MCM9: variants seen among roughly 807,000 people sequenced by gnomAD.
The protein encoded by MCM9 is minichromosome maintenance 9 homologous recombination repair factor.
MCM9 carries 55 observed loss-of-function variants against 72.8 expected under a neutral mutation model. The observed-to-expected ratio is 0.76, with a 90% CI of 0.61 to 0.95. The LOEUF is 0.95. Ranked by LOEUF, MCM9 falls within the 40% of genes least tolerant of loss-of-function variation. The pLI, the probability that MCM9 is intolerant of heterozygous loss-of-function variation, is 0.00. For missense variants in MCM9, 1,279 were observed against 1,377.0 expected, an observed-to-expected ratio of 0.93 and a Z score of 1.13; for synonymous variants, 480 against 503.4, an observed-to-expected ratio of 0.95 and a Z score of 0.62.
intron 8 of MCM9, among the ~76,000 whole-genome samples, chr6:118,873,101 G>C (rs140128614): frequency 0.028 from 4,287 of 150,482 alleles, 210 homozygotes; most frequent in African/African-American, 0.1. Flanking sequence ...GGGCCTGAGA[G>C]GTGCAGACTG....
chr6:118,867,754 T>C (rs1777308932), intron 8 of MCM9, among the ~76,000 whole-genome samples: 2 of 152,188 alleles, frequency 1.3e-5, no homozygotes. Context: ...CAAAATCACC[T>C]AATAATGCAT....
At chr6:118,898,491 C>G (rs1283764355) in intron 8 of MCM9, among the ~76,000 whole-genome samples, 2 of 147,954 alleles carry the variant, frequency 1.4e-5, no homozygotes, top group Non-Finnish European at 3.0e-5. Flanking sequence ...GTGGCGCGAT[C>G]TCGGCTCACT....
intron 13 of MCM9, among the ~76,000 whole-genome samples, chr6:118,822,052 C>T (rs941928504): frequency 3.3e-5 from 5 of 152,134 alleles, no homozygotes; most frequent in Admixed American, 2.6e-4. Flanking sequence ...TCTTAGCTTC[C>T]TTGCATTGGG....
intron 8 of MCM9, among the ~76,000 whole-genome samples, chr6:118,889,864 C>A (rs944982287): frequency 6.6e-6 from 1 of 152,096 alleles, no homozygotes; most frequent in Non-Finnish European, 1.5e-5. Flanking sequence ...ATAGCTTATA[C>A]CTTCAACAAA....
intron 9 of MCM9, among the ~76,000 whole-genome samples, chr6:118,843,700 A>ATGTG (rs1257467799): frequency 4.7e-5 from 3 of 64,510 alleles, no homozygotes; most frequent in South Asian, 1.1e-3. Context: ...ATATATATAT[A>ATGTG]TATGTATGTA....
Position 118,918,261 on chromosome 6 carries a change from A to G in MCM9, c.704-500T>C, listed in dbSNP as rs181479176. On this transcript the variant is annotated intron_variant, in intron 5 of 13. Coordinates refer to ENST00000619706, the MANE Select transcript of MCM9 (RefSeq NM_017696.3). ...TCATTTTTACTTAACTCATTTGCTA[A>G]TATTTTACTCACTGCCCCCCCACAT... is the stretch of plus-strand genomic sequence containing the variant. 2.3e-3 allele frequency: 362 copies of G among 154,742 alleles called. 7 individuals are homozygous for G. The highest frequency in any genetic ancestry group is 1.5e-3 in the Non-Finnish European group (104 of 69,664). 9.6% of individuals were successfully genotyped at this position (154,742 alleles called of 1,614,324 possible). A position where few individuals can be genotyped will look rare whatever the true frequency, so the allele number is the denominator to read the frequency against.
chr6:118,902,842 A>C (rs568104822), intron 8 of MCM9, among the ~76,000 whole-genome samples: 39 of 152,286 alleles, frequency 2.6e-4, no homozygotes, highest in African/African-American at 8.9e-4. Context: ...GTATTTTAAA[A>C]CTACTATAGT....
intron 8 of MCM9, among the ~76,000 whole-genome samples, chr6:118,906,159 G>T (rs1780164241): frequency 6.6e-6 from 1 of 152,074 alleles, no homozygotes; most frequent in East Asian, 1.9e-4. Flanking sequence ...TGCAACCTCT[G>T]CCTCCTAGGT....
chr6:118,929,361 T>C (rs890454772), intron 3 of MCM9, among the ~76,000 whole-genome samples: 2 of 152,234 alleles, frequency 1.3e-5, no homozygotes, highest in Non-Finnish European at 2.9e-5. Context: ...TTTGACTATA[T>C]AGCTGTCTGC....
intron 8 of MCM9, chr6:118,907,465 AAC>A: frequency 6.2e-7 from 1 of 1,613,120 alleles, no homozygotes; most frequent in Non-Finnish European, 8.5e-7. Flanking sequence ...TTGGGAAGAT[AAC>A]ACAGAAAAAC....
chr6:118,833,681 G>A (rs748089896), intron 9 of MCM9, among the ~76,000 whole-genome samples: 6 of 152,112 alleles, frequency 3.9e-5, no homozygotes, highest in Admixed American at 6.5e-5. Context: ...AGCCAGTTAC[G>A]AAAGATCAAT....
intron 8 of MCM9, among the ~76,000 whole-genome samples, chr6:118,890,211 C>T (rs999353552): frequency 2.0e-5 from 3 of 152,074 alleles, no homozygotes; most frequent in Admixed American, 6.5e-5. Context: ...CTGGAGTGTC[C>T]GCCAGCCTGT....
chr6:118,917,509 C>T lies in MCM9; in HGVS notation c.904+52G>A, dbSNP rs1322202718. ...TCAAATCACAGACATCATATTTAAC[C>T]ACTGAATGTAATACCATTAATAATA... On this transcript the variant is annotated intron_variant, in intron 6 of 13. Transcript: ENST00000619706. The T allele has an allele frequency of 2.6e-6, 4 of 1,525,352 alleles. No individual in the cohort carries two copies. The African/African-American group carries it at 4.1e-5, about 16-fold the overall frequency. The allele number at this position is 1,525,352 out of a possible 1,614,324, so 94.5% of individuals were successfully genotyped here.
chr6:118,898,424 AAT>A (rs1779582353), intron 8 of MCM9, among the ~76,000 whole-genome samples: 1 of 146,106 alleles, frequency 6.8e-6, no homozygotes, highest in African/African-American at 2.7e-5. Context: ...TTTATGTAAT[AAT>A]TTTTTTTTTT....
chr6:118,856,568 T>C (rs922280712), intron 8 of MCM9, 23 bp from the exon 9 acceptor site: 45 of 1,534,524 alleles, frequency 2.9e-5, no homozygotes, highest in Non-Finnish European at 3.8e-5. Flanking sequence ...GCAAGCCATA[T>C]CAACTTTTAT....
intron 8 of MCM9, among the ~76,000 whole-genome samples, chr6:118,896,047 T>TG (rs1372390351): frequency 9.4e-5 from 14 of 148,752 alleles, no homozygotes; most frequent in African/African-American, 3.6e-4. Context: ...CCCCGTTTTT[T>TG]TTTTTTTTTT....
chr6:118,821,953 T>C (rs1030665797), intron 13 of MCM9, among the ~76,000 whole-genome samples: 3 of 152,224 alleles, frequency 2.0e-5, no homozygotes, highest in African/African-American at 7.2e-5. Flanking sequence ...GAAGTTCTCG[T>C]GCTGTGTTTT....
chr6:118,910,595 A>C lies in MCM9; in HGVS notation c.1150+1055T>G, dbSNP rs1050730314. 6 of 982,870 alleles carry C rather than the reference A, an allele frequency of 6.1e-6. No individual in the cohort carries two copies. The African/African-American group carries it at 1.0e-4, about 17-fold the overall frequency. 60.9% of individuals were successfully genotyped at this position (982,870 alleles called of 1,614,324 possible). A position where few individuals can be genotyped will look rare whatever the true frequency, so the allele number is the denominator to read the frequency against. ...TAATTACTTAGGAAACATTCCACAT[A>C]ATTACTTGGGAAGCATCTTTATTTG... is the stretch of plus-strand genomic sequence containing the variant. On this transcript the variant is annotated intron_variant, in intron 8 of 13. Coordinates refer to ENST00000619706, the MANE Select transcript of MCM9 (RefSeq NM_017696.3).
At chr6:118,917,859 C>CTT in intron 5 of MCM9, 98 bp from the exon 6 acceptor site, 1 of 1,033,370 alleles carries the variant, frequency 9.7e-7, no homozygotes, top group Non-Finnish European at 1.5e-6. Context: ...AAACCACTCC[C>CTT]TTACTAGAGT....
Sources: gnomAD v4.1 joint callset for allele counts (sites outside exome capture counted in the v4.1 genomes callset) on GRCh38, gnomAD v4.1.1 for gene constraint, MANE v1.5 for transcripts, NCBI Gene and HGNC (gene_info 2026-07-23, HGNC 2026-07-21) for gene names.